The following SACM1L variants were observed in gnomAD, a reference collection of about 807,000 sequenced individuals.
SACM1L encodes the protein phosphatidylinositol-3-phosphatase SAC1.
A neutral mutation model predicts 89.5 loss-of-function variants in SACM1L; 32 were observed. The observed-to-expected ratio is 0.36, with a 90% CI of 0.27 to 0.48. SACM1L has a LOEUF of 0.48. SACM1L is among the 20% of genes least tolerant of loss of function. The pLI is 0.99. For synonymous variants in SACM1L, 213 were observed against 232.8 expected, an observed-to-expected ratio of 0.92 and a Z score of 0.77; for missense variants, 543 against 708.5, an observed-to-expected ratio of 0.77 and a Z score of 2.65.
In SACM1L at chr3:45,739,628, C is replaced by T; in HGVS notation, c.1611C>T (p.Ile537=). The T allele has an allele frequency of 2.5e-6, 4 of 1,613,996 alleles. No homozygotes were observed. The highest frequency in any genetic ancestry group is 2.5e-6 in the Non-Finnish European group (3 of 1,179,936). The change falls in exon 19 of 20, where the codon ATC becomes ATT. Residue 537 remains isoleucine, a synonymous_variant. Transcript: ENST00000389061. ...IMVVAFSMCI[I]CLLMAGDTWT... ...TTGTTGCCTTTTCAATGTGCATTAT[C>T]TGTTTGCTTATGGCTGGTAAGTCTG...
intron 6 of SACM1L, chr3:45,713,773 G>T (rs545160314): frequency 4.5e-6 from 1 of 220,428 alleles, no homozygotes; most frequent in East Asian, 9.6e-5. Flanking sequence ...TTCCCTGGAG[G>T]AGTGAAGTTG....
intron 7 of SACM1L, among the ~76,000 whole-genome samples, 165 bp downstream of exon 7, chr3:45,714,244 T>G (rs1197825760): frequency 2.6e-5 from 4 of 151,620 alleles, no homozygotes; most frequent in Non-Finnish European, 5.9e-5. Flanking sequence ...TTTGTTTGTT[T>G]TTTTTTTTTT....
In SACM1L at chr3:45,744,938, C is replaced by A. The variant is rs952119133; in HGVS notation, c.*1269C>A. 5 of 152,076 alleles carry A rather than the reference C, an allele frequency of 3.3e-5. No homozygotes were observed. Among genetic ancestry groups the A allele is most frequent in the Admixed American group, 1.3e-4 (2 of 15,252 alleles). The allele number at this position is 152,076 out of a possible 1,614,324, so 9.4% of individuals were successfully genotyped here. On this transcript the variant is annotated 3_prime_UTR_variant, in exon 20 of 20. Transcript: ENST00000389061. ...TCCAATATTAATACCTTATGTTGTC[C>A]TTAAATATTTCTAAAAGCGCCTTTA...
intron 11 of SACM1L, among the ~76,000 whole-genome samples, chr3:45,723,810 A>G (rs912432884): frequency 6.6e-6 from 1 of 152,122 alleles, no homozygotes; most frequent in Non-Finnish European, 1.5e-5. Flanking sequence ...TGTCTATTCT[A>G]AGTACCCTCA....
chr3:45,730,736 A>C (rs62242234), intron 11 of SACM1L: 1 of 152,090 alleles, frequency 6.6e-6, no homozygotes, highest in African/African-American at 2.4e-5. Flanking sequence ...TCCTAAGAAT[A>C]TCACCAAGCT....
At chr3:45,735,971 A>G (rs536615980) in intron 14 of SACM1L, among the ~76,000 whole-genome samples, 19 of 152,182 alleles carry the variant, frequency 1.2e-4, no homozygotes, top group African/African-American at 4.6e-4. Flanking sequence ...GGCTCAAGCC[A>G]TCCTACTAAC....
At position 45,722,054 on chromosome 3, in the gene SACM1L, A is replaced by T. The variant is rs747482613; in HGVS notation, c.734A>T (p.His245Leu). Residue 245 changes from histidine (H) to leucine (L), a missense_variant, in exon 9 of 20, where the codon CAC becomes CTC. Physicochemically the swap from His to Leu is moderately conservative, Grantham distance 99 (BLOSUM62 -3). This residue lies in a region of SACM1L where 370 missense variants were observed against 527.6 expected (regional missense o/e 0.70). Transcript: ENST00000389061. Reference sequence around the variant, plus strand: ...TTTGTAGAAACAGAACAAATTGTGCACTACAATGGGAGCAAAGCTTCGTTT... The same window carrying T: ...TTTGTAGAAACAGAACAAATTGTGCTCTACAATGGGAGCAAAGCTTCGTTT... ...ANFVETEQIV[H>L]YNGSKASFVQ... is the part of the protein sequence containing the mutation. 3 of 1,612,834 alleles carry T rather than the reference A, an allele frequency of 1.9e-6. No homozygotes were observed. Among genetic ancestry groups the T allele is most frequent in the Non-Finnish European group, 2.5e-6 (3 of 1,179,368 alleles).
intron 2 of SACM1L, among the ~76,000 whole-genome samples, chr3:45,704,866 A>G (rs1361014797): frequency 6.6e-6 from 1 of 152,234 alleles, no homozygotes; most frequent in Non-Finnish European, 1.5e-5. Flanking sequence ...GCGAATGCAG[A>G]CTATGTTATT....
intron 14 of SACM1L, among the ~76,000 whole-genome samples, chr3:45,735,947 A>G (rs1381041809): frequency 6.6e-6 from 1 of 151,936 alleles, no homozygotes; most frequent in African/African-American, 2.4e-5. Flanking sequence ...GCTTGCTGCA[A>G]CCTCTGCCTC....
chr3:45,718,724 T>C (rs1342274352), intron 7 of SACM1L, among the ~76,000 whole-genome samples: 4 of 152,120 alleles, frequency 2.6e-5, no homozygotes, highest in Admixed American at 6.5e-5. Context: ...AATAAAAACA[T>C]TTAATGTAAG....
intron 13 of SACM1L, among the ~76,000 whole-genome samples, chr3:45,733,669 AG>A (rs1353421590): frequency 6.6e-6 from 1 of 152,216 alleles, no homozygotes; most frequent in Non-Finnish European, 1.5e-5. Flanking sequence ...TTTGGAGAAT[AG>A]TTTCAATAGT....
chr3:45,735,117 A>C, intron 13 of SACM1L, 118 bp from the exon 14 acceptor site: 1 of 997,628 alleles, frequency 1.0e-6, no homozygotes, highest in Non-Finnish European at 1.4e-6. Flanking sequence ...TTCCTGTCTG[A>C]CCTTTTAATT....
chr3:45,706,739 A>G, intron 3 of SACM1L, 41 bp from the exon 4 acceptor site: 1 of 1,515,130 alleles, frequency 6.6e-7, no homozygotes, highest in Non-Finnish European at 9.0e-7. Context: ...CTTTAGAGTT[A>G]CTATTTTTAT....
At chr3:45,734,277 G>A (rs763073539) in intron 13 of SACM1L, among the ~76,000 whole-genome samples, 18 of 151,782 alleles carry the variant, frequency 1.2e-4, no homozygotes, top group South Asian at 4.2e-4. Flanking sequence ...GCCAGGCATG[G>A]TGGTGGGTGC....
At chr3:45,734,241 T>C (rs1330468309) in intron 13 of SACM1L, among the ~76,000 whole-genome samples, 1 of 148,650 alleles carries the variant, frequency 6.7e-6, no homozygotes, top group Non-Finnish European at 1.5e-5. Context: ...GTCAAAACCC[T>C]ATCTGTACTA....
At chr3:45,690,843 C>G (rs987694917) in intron 1 of SACM1L, among the ~76,000 whole-genome samples, 1 of 152,334 alleles carries the variant, frequency 6.6e-6, no homozygotes, top group Middle Eastern at 3.4e-3. Context: ...GCCACTGTCA[C>G]ATGTGCTCTG....
At chr3:45,692,316 G>GT (rs141224972) in intron 1 of SACM1L, among the ~76,000 whole-genome samples, 6 of 148,526 alleles carry the variant, frequency 4.0e-5, no homozygotes, top group Non-Finnish European at 4.5e-5. Context: ...TTGAAAGAGA[G>GT]TTTTTTTTTT....
chr3:45,718,277 A>G (rs796232531), intron 7 of SACM1L, among the ~76,000 whole-genome samples: 43 of 138,778 alleles, frequency 3.1e-4, no homozygotes, highest in African/African-American at 1.1e-3. Context: ...ATACATACAG[A>G]TTAATTCCTG....
intron 19 of SACM1L, among the ~76,000 whole-genome samples, chr3:45,741,777 A>G (rs942127668): frequency 6.6e-6 from 1 of 152,204 alleles, no homozygotes; most frequent in Admixed American, 6.5e-5. Flanking sequence ...GTCTTTATGG[A>G]TGGCTGTACA....
Sources: allele counts gnomAD v4.1 joint callset (sites outside exome capture counted in the v4.1 genomes callset), GRCh38; gene constraint gnomAD v4.1.1; regional missense constraint gnomAD v4.1.1; transcripts MANE v1.5; gene names NCBI Gene and HGNC (gene_info 2026-07-23, HGNC 2026-07-21).